The following WWOX variants were observed in gnomAD, a reference collection of about 807,000 sequenced individuals.
WWOX encodes WW domain containing oxidoreductase, also known as WW domain-containing oxidoreductase.
In WWOX, 69 loss-of-function variants were observed where a neutral mutation model predicts 46.2. The ratio of observed to expected loss-of-function variants is 1.49; its 90% confidence interval spans 1.23 to 1.82. The LOEUF is 1.82. Ranked by LOEUF, WWOX falls within the 40% of genes most tolerant of loss-of-function variation. The pLI is 0.00. For missense variants in WWOX, 919 were observed against 542.6 expected (o/e 1.69, Z -6.89); for synonymous variants, 359 against 202.6 (o/e 1.77, Z -6.56).
At chr16:79,142,748 G>T (rs1029306139) in intron 8 of WWOX, among the ~76,000 whole-genome samples, 2 of 152,110 alleles carry the variant, frequency 1.3e-5, no homozygotes, top group African/African-American at 4.8e-5. Flanking sequence ...CCCTAGGCGG[G>T]ACTGCAGTGG....
chr16:78,771,782 A>T (rs906118643), intron 8 of WWOX, among the ~76,000 whole-genome samples: 3 of 116,654 alleles, frequency 2.6e-5, no homozygotes, highest in South Asian at 2.5e-4. Flanking sequence ...ACAATAAATA[A>T]ATAAATAAAT....
intron 8 of WWOX, among the ~76,000 whole-genome samples, chr16:78,748,270 C>A (rs939857642): frequency 8.5e-5 from 13 of 152,158 alleles, no homozygotes; most frequent in African/African-American, 2.7e-4. Context: ...GATAGCTCAC[C>A]ACAAATAAAC....
At chr16:78,307,585 A>C (rs1389598595) in intron 5 of WWOX, among the ~76,000 whole-genome samples, 1 of 152,164 alleles carries the variant, frequency 6.6e-6, no homozygotes, top group Non-Finnish European at 1.5e-5. Context: ...CTGTGCTGAC[A>C]CCTTGATTTT....
intron 8 of WWOX, among the ~76,000 whole-genome samples, chr16:78,583,530 T>C (rs2045115996): frequency 1.3e-5 from 2 of 152,328 alleles, no homozygotes; most frequent in South Asian, 4.1e-4. Flanking sequence ...ATTGTAGGTT[T>C]TGTGGGAAGA....
At chr16:78,839,050 A>T (rs572694880) in intron 8 of WWOX, among the ~76,000 whole-genome samples, 45 of 152,288 alleles carry the variant, frequency 3.0e-4, no homozygotes, top group African/African-American at 1.0e-3. Flanking sequence ...GATATCACCT[A>T]TGGGGGAAAC....
At chr16:78,276,745 C>T (rs1214524474) in intron 5 of WWOX, among the ~76,000 whole-genome samples, 2 of 152,182 alleles carry the variant, frequency 1.3e-5, no homozygotes, top group Admixed American at 1.3e-4. Context: ...TGTTGCTTTC[C>T]ACCCACACCT....
In WWOX at chr16:78,838,069, G is replaced by A. The variant is rs547633202; in HGVS notation, c.1057-373539G>A. Among the ~76,000 whole-genome samples, 3 of 152,190 alleles carry A rather than the reference G, an allele frequency of 2.0e-5. 1 individual carries two copies. Among genetic ancestry groups the A allele is most frequent in the Non-Finnish European group, 4.4e-5 (3 of 68,048 alleles). ...TAGAGGCCAGGAACCCATCTTGGCT[G>A]TGTGCCTTCTGCTTTGTCTCTGGGG... is the stretch of plus-strand genomic sequence containing the variant. On this transcript the variant is annotated intron_variant, in intron 8 of 8. Coordinates refer to ENST00000566780, the MANE Select transcript of WWOX (RefSeq NM_016373.4).
intron 8 of WWOX, among the ~76,000 whole-genome samples, chr16:78,852,269 T>C (rs893824943): frequency 2.0e-5 from 3 of 152,222 alleles, no homozygotes; most frequent in Admixed American, 2.0e-4. Flanking sequence ...TCTTCTACTC[T>C]GAACAGGATT....
intron 8 of WWOX, among the ~76,000 whole-genome samples, chr16:79,099,579 T>C (rs892615891): frequency 6.9e-6 from 1 of 144,854 alleles, no homozygotes; most frequent in African/African-American, 2.7e-5. Context: ...TGTGCGTGTG[T>C]GTGTGTGTGT....
At chr16:78,789,173 G>T (rs993507592) in intron 8 of WWOX, among the ~76,000 whole-genome samples, 9 of 152,122 alleles carry the variant, frequency 5.9e-5, no homozygotes, top group African/African-American at 2.2e-4. Context: ...GGAGTCTTCT[G>T]TGTTGATTGT....
At chr16:78,791,736 G>A (rs1025408197) in intron 8 of WWOX, among the ~76,000 whole-genome samples, 1 of 152,044 alleles carries the variant, frequency 6.6e-6, no homozygotes, top group South Asian at 2.1e-4. Flanking sequence ...AAAATTAGCT[G>A]GGATTTGGTG....
At chr16:78,715,693 T>C (rs988751016) in intron 8 of WWOX, among the ~76,000 whole-genome samples, 6 of 152,148 alleles carry the variant, frequency 3.9e-5, no homozygotes, top group Non-Finnish European at 8.8e-5. Flanking sequence ...GCCAGGCTGG[T>C]CTCGAACTCC....
rs572570596 is a variant in WWOX at position 78,102,442 on chromosome 16, C to T, written c.107+2557C>T. Among the ~76,000 whole-genome samples, 6 of 152,342 alleles carry T rather than the reference C, an allele frequency of 3.9e-5. No individual in the cohort carries two copies. In the South Asian group the frequency reaches 1.0e-3, roughly 26 times the overall value. On this transcript the variant is annotated intron_variant, in intron 1 of 8. Coordinates refer to ENST00000566780, the MANE Select transcript of WWOX (RefSeq NM_016373.4). ...GCAGAGCCAGAGAGTGGCATTCATT[C>T]AGCTTGTGAATTCTGGAAGAATTTC...
At chr16:79,096,249 T>C (rs1321493747) in intron 8 of WWOX, among the ~76,000 whole-genome samples, 1 of 152,026 alleles carries the variant, frequency 6.6e-6, no homozygotes, top group Non-Finnish European at 1.5e-5. Flanking sequence ...AACCAGAATC[T>C]CCTTTGAAAA....
intron 8 of WWOX, chr16:78,890,816 G>A (rs1213922035): frequency 2.0e-5 from 3 of 152,132 alleles, no homozygotes; most frequent in African/African-American, 7.2e-5. Context: ...CATGGGTTTC[G>A]AGCATGTTTT....
intron 5 of WWOX, among the ~76,000 whole-genome samples, chr16:78,276,734 C>T (rs140953924): frequency 6.6e-6 from 1 of 152,178 alleles, no homozygotes; most frequent in African/African-American, 2.4e-5. Flanking sequence ...AAAATAAAAT[C>T]TGTTGCTTTC....
chr16:78,705,191 A>G (rs2048305458), intron 8 of WWOX, among the ~76,000 whole-genome samples: 2 of 152,326 alleles, frequency 1.3e-5, no homozygotes, highest in South Asian at 4.1e-4. Flanking sequence ...AGCCATTTGC[A>G]TTCAGTCTGA....
intron 8 of WWOX, among the ~76,000 whole-genome samples, chr16:78,953,518 C>T (rs1043611994): frequency 2.0e-5 from 3 of 152,150 alleles, no homozygotes; most frequent in Non-Finnish European, 4.4e-5. Flanking sequence ...GTCTTCCTAA[C>T]CCCCAGTTTA....
chr16:78,458,633 T>G (rs143150417), intron 8 of WWOX, among the ~76,000 whole-genome samples: 79 of 152,166 alleles, frequency 5.2e-4, no homozygotes, highest in Non-Finnish European at 9.4e-4. Context: ...TCATTTAAAA[T>G]TATTTTATAG....
Sources: allele counts gnomAD v4.1 joint callset (sites outside exome capture counted in the v4.1 genomes callset), GRCh38; gene constraint gnomAD v4.1.1; transcripts MANE v1.5; gene names NCBI Gene and HGNC (gene_info 2026-07-23, HGNC 2026-07-21).